WASF3: variants seen among roughly 807,000 people sequenced by gnomAD.
WASF3 encodes the protein actin-binding protein WASF3.
WASF3 carries 11 observed loss-of-function variants against 46.6 expected under a neutral mutation model. The ratio of observed to expected loss-of-function variants is 0.24; its 90% confidence interval spans 0.15 to 0.39. The LOEUF (loss-of-function observed/expected upper bound fraction) is 0.39, where lower values mean the gene tolerates loss of function less well. WASF3 is among the 10% of genes least tolerant of loss of function. The pLI, the probability that WASF3 is intolerant of heterozygous loss-of-function variation, is 1.00. For synonymous variants in WASF3, 242 were observed against 259.7 expected (o/e 0.93, Z 0.65); for missense variants, 576 against 669.8 (o/e 0.86, Z 1.55).
intron 3 of WASF3, among the ~76,000 whole-genome samples, chr13:26,644,095 C>T (rs948286038): frequency 1.3e-5 from 2 of 152,076 alleles, no homozygotes; most frequent in African/African-American, 2.4e-5. Context: ...GCCAGGGTGA[C>T]GTGATGTGGG....
intron 5 of WASF3, among the ~76,000 whole-genome samples, chr13:26,671,400 G>A (rs1463898192): frequency 6.6e-6 from 1 of 152,082 alleles, no homozygotes; most frequent in African/African-American, 2.4e-5. Flanking sequence ...TGAACTTATA[G>A]ATGTTGGGCA....
Position 26,568,881 on chromosome 13 carries a change from T to C in WASF3, c.-109+11062T>C, listed in dbSNP as rs574310183. The stretch of plus-strand genomic sequence containing the variant: ...CCGTATGCCTGGCAGTATGAATTAG[T>C]TGCACAATGTACGTCTCAGTAATTA... On this transcript the variant is annotated intron_variant, in intron 1 of 9. Coordinates refer to ENST00000335327, the MANE Select transcript of WASF3 (RefSeq NM_006646.6). Among the ~76,000 whole-genome samples, 5 of 152,358 alleles carry C rather than the reference T, an allele frequency of 3.3e-5. No individual in the cohort carries two copies. In the East Asian group the frequency reaches 7.7e-4, roughly 24 times the overall value.
intron 1 of WASF3, among the ~76,000 whole-genome samples, chr13:26,571,225 T>C (rs1566038085): frequency 1.3e-5 from 2 of 152,334 alleles, no homozygotes; most frequent in East Asian, 1.9e-4. Context: ...GTTTTGACTT[T>C]TCTGATTTTT....
chr13:26,570,570 T>C (rs1453677095), intron 1 of WASF3, among the ~76,000 whole-genome samples: 1 of 152,178 alleles, frequency 6.6e-6, no homozygotes, highest in Non-Finnish European at 1.5e-5. Context: ...TTGCTTTTTT[T>C]CACTTAAAAT....
intron 9 of WASF3, among the ~76,000 whole-genome samples, chr13:26,684,588 G>T (rs1413556814): frequency 6.6e-6 from 1 of 152,188 alleles, no homozygotes; most frequent in African/African-American, 2.4e-5. Flanking sequence ...AGGATAGATA[G>T]TAGTAGTGTA....
the WASF3 span, among the ~76,000 whole-genome samples, chr13:26,551,061 A>G: frequency 6.6e-6 from 1 of 152,152 alleles, no homozygotes; most frequent in Admixed American, 6.5e-5. Flanking sequence ...TGCTGTTCTC[A>G]TGATAGTGAG....
chr13:26,635,755 G>T (rs1470345937), intron 2 of WASF3, among the ~76,000 whole-genome samples: 1 of 152,234 alleles, frequency 6.6e-6, no homozygotes. Context: ...TCCCTCAGCT[G>T]CAGGTCTGTT....
intron 2 of WASF3, among the ~76,000 whole-genome samples, chr13:26,628,429 G>A (rs954762532): frequency 1.3e-5 from 2 of 152,178 alleles, no homozygotes; most frequent in Admixed American, 6.5e-5. Flanking sequence ...ATGTGTGAGG[G>A]CACATGCACA....
intron 7 of WASF3, 88 bp downstream of exon 7, chr13:26,676,812 C>CAT: frequency 7.5e-7 from 1 of 1,324,756 alleles, no homozygotes; most frequent in Non-Finnish European, 1.0e-6. Flanking sequence ...GCATCAATAG[C>CAT]TTCGGGGTTT....
At chr13:26,671,766 A>T in intron 5 of WASF3, 106 bp from the exon 6 acceptor site, 1 of 727,830 alleles carries the variant, frequency 1.4e-6, no homozygotes, top group Non-Finnish European at 2.3e-6. Context: ...TAAGTGCCCC[A>T]TGTAGATGTT....
intron 2 of WASF3, among the ~76,000 whole-genome samples, chr13:26,627,640 G>T (rs1027630854): frequency 8.5e-5 from 13 of 152,104 alleles, no homozygotes; most frequent in Non-Finnish European, 1.9e-4. Flanking sequence ...ATTCTTAAGA[G>T]AATCCTCGCA....
chr13:26,654,237 C>T (rs555909409), intron 3 of WASF3, among the ~76,000 whole-genome samples: 13 of 152,164 alleles, frequency 8.5e-5, no homozygotes, highest in Admixed American at 3.3e-4. Flanking sequence ...GCCACACTGG[C>T]TTCCTTGATG....
upstream of WASF3, among the ~76,000 whole-genome samples, chr13:26,554,080 C>CTTTCTTTCT (rs1323423541): frequency 2.9e-4 from 15 of 52,490 alleles, no homozygotes; most frequent in East Asian, 1.7e-3. Context: ...TCCTTCCTTC[C>CTTTCTTTCT]TTCCTTCCTT....
rs756402063 is a variant in WASF3 at position 26,642,297 on chromosome 13, G to GC, written c.31dup (p.Arg11ProfsTer10). 1 of 1,592,038 alleles carries GC rather than the reference G, an allele frequency of 6.3e-7. No individual in the cohort carries two copies. The highest frequency in any genetic ancestry group is 1.2e-5 in the South Asian group (1 of 86,504). On this transcript the variant is annotated frameshift_variant, in exon 3 of 10. Transcript: ENST00000335327. LOFTEE classifies it high-confidence loss of function. ...TGCCTTTAGTGAAGAGGAACATTGA[G>GC]CCCCGGCACTTGTGCCGGGGAGCTC...
intron 1 of WASF3, among the ~76,000 whole-genome samples, chr13:26,598,204 C>G (rs1325034892): frequency 1.3e-5 from 2 of 152,192 alleles, no homozygotes; most frequent in Non-Finnish European, 2.9e-5. Context: ...ATTTGCATTT[C>G]TCTGATGGCC....
In WASF3 at chr13:26,686,777, G is replaced by A. The variant is rs2025413; in HGVS notation, c.*932G>A. ...TAGTTTCCTGACACCTGTGTCCTGA[G>A]TGAGCCGCAGGAGTTCTTAGCTCCT... is the stretch of plus-strand genomic sequence containing the variant. On this transcript the variant is annotated 3_prime_UTR_variant, in exon 10 of 10. Transcript: ENST00000335327. 41,408 of 152,252 alleles carry A rather than the reference G, an allele frequency of 0.27. 6,165 individuals carry two copies. The highest frequency in any genetic ancestry group is 0.57 in the East Asian group (2,951 of 5,168). 9.4% of individuals were successfully genotyped at this position (152,252 alleles called of 1,614,324 possible).
chr13:26,540,827 G>A, the WASF3 span, among the ~76,000 whole-genome samples: 1 of 152,164 alleles, frequency 6.6e-6, no homozygotes, highest in Non-Finnish European at 1.5e-5. Context: ...ACACTGAGAA[G>A]AACCACTTAA....
At chr13:26,546,581 G>A in the WASF3 span, among the ~76,000 whole-genome samples, 2 of 151,992 alleles carry the variant, frequency 1.3e-5, no homozygotes, top group Admixed American at 6.6e-5. Flanking sequence ...GTGGGGTGGC[G>A]GGTGCCTATA....
Position 26,578,993 on chromosome 13 carries a change from C to CTTTTTTTTTTTTTTTTT in WASF3, c.-109+21181_-109+21197dup, listed in dbSNP as rs200299739. On this transcript the variant is annotated intron_variant, in intron 1 of 9. Transcript: ENST00000335327. The stretch of plus-strand genomic sequence containing the variant: ...ACCTTATATTCTTGGGATACATTTC[C>CTTTTTTTTTTTTTTTTT]TTTTTTTTTTTTTTTTTTTTTTTGT... Among the ~76,000 whole-genome samples, 305 of 60,616 alleles carry CTTTTTTTTTTTTTTTTT rather than the reference C, an allele frequency of 5.0e-3. 59 individuals carry two copies. Among genetic ancestry groups the CTTTTTTTTTTTTTTTTT allele is most frequent in the African/African-American group, 8.4e-3 (109 of 13,024 alleles). 39.8% of individuals were successfully genotyped at this position (60,616 alleles called of 152,430 possible). A position where few individuals can be genotyped will look rare whatever the true frequency, so the allele number is the denominator to read the frequency against.
Sources: allele counts gnomAD v4.1 joint callset (sites outside exome capture counted in the v4.1 genomes callset), GRCh38; gene constraint gnomAD v4.1.1; transcripts MANE v1.5; gene names NCBI Gene and HGNC (gene_info 2026-07-23, HGNC 2026-07-21).